Variants in VPS13B observed in about 807,000 individuals in gnomAD.
The protein encoded by VPS13B is intermembrane lipid transfer protein VPS13B.
VPS13B carries 285 observed loss-of-function variants against 426.4 expected under a neutral mutation model. That is an observed-to-expected ratio of 0.67 (90% CI 0.61 to 0.74). VPS13B has a LOEUF of 0.74. Ranked by LOEUF, VPS13B falls within the 30% of genes least tolerant of loss-of-function variation. The pLI is 0.00. For synonymous variants in VPS13B, 1,676 were observed against 1,676.4 expected, an observed-to-expected ratio of 1.00 and a Z score of 0.01; for missense variants, 4,537 against 4,782.6, an observed-to-expected ratio of 0.95 and a Z score of 1.51.
chr8:99,020,827 T>C (rs1234220073), intron 2 of VPS13B, among the ~76,000 whole-genome samples: 1 of 152,206 alleles, frequency 6.6e-6, no homozygotes, highest in African/African-American at 2.4e-5. Flanking sequence ...ACTATCACAC[T>C]GTTTGGATTA....
intron 35 of VPS13B, among the ~76,000 whole-genome samples, chr8:99,681,562 T>C (rs950618281): frequency 1.3e-5 from 2 of 152,212 alleles, no homozygotes; most frequent in African/African-American, 4.8e-5. Context: ...AATTTGTTTC[T>C]TATTAAACCT....
At chr8:99,476,046 A>C (rs562349750) in intron 24 of VPS13B, among the ~76,000 whole-genome samples, 2 of 152,222 alleles carry the variant, frequency 1.3e-5, no homozygotes, top group Non-Finnish European at 2.9e-5. Context: ...GGGAAGTCTG[A>C]AATATTTATG....
intron 15 of VPS13B, among the ~76,000 whole-genome samples, chr8:99,163,439 T>C (rs1811792587): frequency 1.3e-5 from 2 of 151,974 alleles, no homozygotes; most frequent in African/African-American, 4.8e-5. Flanking sequence ...CTGGGCGCCG[T>C]GGAATAGGGG....
rs144649948 is a variant in VPS13B, at chr8:99,253,371, G to T, written c.2516-20827G>T. On this transcript the variant is annotated intron_variant, in intron 17 of 61. Coordinates refer to ENST00000357162, the MANE Select transcript of VPS13B (RefSeq NM_152564.5). ...TATCTACATAGGAGATGTTCTGCTG[G>T]ATCATATGGTCACTTTCTGAGTAAC... 3.3e-3 allele frequency among the ~76,000 whole-genome samples: 497 copies of T among 152,188 alleles called. 5 individuals are homozygous for T. The highest frequency in any genetic ancestry group is 2.5e-3 in the East Asian group (13 of 5,178).
chr8:99,031,545 G>A (rs1485721265), intron 2 of VPS13B, among the ~76,000 whole-genome samples: 3 of 151,974 alleles, frequency 2.0e-5, no homozygotes, highest in Non-Finnish European at 2.9e-5. Flanking sequence ...AGTAGTTTTC[G>A]TAGGAAAAAA....
chr8:99,340,952 CT>C lies in VPS13B; in HGVS notation c.2825-43255del, dbSNP rs560521499. 114 of 281,490 alleles carry C rather than the reference CT, an allele frequency of 4.0e-4. 1 individual carries two copies. Among genetic ancestry groups the C allele is most frequent in the South Asian group, 1.4e-3 (27 of 19,766 alleles). 17.4% of individuals were successfully genotyped at this position (281,490 alleles called of 1,614,324 possible). On this transcript the variant is annotated intron_variant, in intron 19 of 61. Coordinates refer to ENST00000357162, the MANE Select transcript of VPS13B (RefSeq NM_152564.5). ...AAGGTGGGCTGGGAGAGAGCTCCCCCTGGCTCATTTTATTGTCTGTGGTGCT... is the reference window on the plus strand; with the variant it reads ...AAGGTGGGCTGGGAGAGAGCTCCCCCGGCTCATTTTATTGTCTGTGGTGCT...
intron 44 of VPS13B, among the ~76,000 whole-genome samples, chr8:99,816,809 AAAC>A (rs1192363016): frequency 1.3e-5 from 2 of 152,186 alleles, no homozygotes; most frequent in African/African-American, 4.8e-5. Flanking sequence ...TGTCTAAAAA[AAAC>A]TAAATAAATA....
At position 99,835,294 on chromosome 8, in the gene VPS13B, G is replaced by A. The variant is rs773095779; in HGVS notation, c.9712G>A (p.Val3238Ile). 3.7e-6 allele frequency: 6 copies of A among 1,612,820 alleles called. No individual in the cohort carries two copies. Among genetic ancestry groups the A allele is most frequent in the Non-Finnish European group, 5.1e-6 (6 of 1,178,994 alleles). ...PRVIIHNRCP[V>I]KMLIKENIKD... ...AGTAATTATCCACAATAGATGTCCA[G>A]TAAAAATGCTTATAAAGGAAAACAT... Residue 3238 changes from valine (V) to isoleucine (I), a missense_variant, in exon 53 of 62, where the codon GTA (valine) becomes ATA (isoleucine). This residue lies in a region of VPS13B where 4,311 missense variants were observed against 4,474.3 expected (regional missense o/e 0.96). Transcript: ENST00000357162.
chr8:99,471,312 G>T (rs1273348179), intron 24 of VPS13B, among the ~76,000 whole-genome samples: 1 of 152,108 alleles, frequency 6.6e-6, no homozygotes, highest in Admixed American at 6.6e-5. Context: ...AACATTGTCT[G>T]CTGGTTTTTT....
At chr8:99,455,759 G>A (rs897592282) in intron 23 of VPS13B, among the ~76,000 whole-genome samples, 1 of 152,110 alleles carries the variant, frequency 6.6e-6, no homozygotes, top group South Asian at 2.1e-4. Context: ...TTCACTTGGT[G>A]TAACATTTTG....
chr8:99,226,030 G>A (rs1024056194), intron 17 of VPS13B, among the ~76,000 whole-genome samples: 1 of 151,832 alleles, frequency 6.6e-6, no homozygotes, highest in Non-Finnish European at 1.5e-5. Flanking sequence ...CTGCCAGCTC[G>A]GCCTCCTGTG....
chr8:99,510,231 AG>A (rs1821713595), intron 28 of VPS13B, among the ~76,000 whole-genome samples: 1 of 152,216 alleles, frequency 6.6e-6, no homozygotes, highest in Non-Finnish European at 1.5e-5. Flanking sequence ...GGTATCGATG[AG>A]GCTTCTTTTG....
At chr8:99,849,171 T>A (rs1373369950) in intron 55 of VPS13B, among the ~76,000 whole-genome samples, 1 of 152,208 alleles carries the variant, frequency 6.6e-6, no homozygotes, top group Non-Finnish European at 1.5e-5. Context: ...ATTATTAGCA[T>A]GAAATGCACA....
chr8:99,614,541 G>T (rs1316996075), intron 33 of VPS13B, among the ~76,000 whole-genome samples: 1 of 151,958 alleles, frequency 6.6e-6, no homozygotes, highest in South Asian at 2.1e-4. Flanking sequence ...GCCTCCCAAA[G>T]TGCTGGGATT....
chr8:99,463,487 A>G (rs1818942581), intron 23 of VPS13B, among the ~76,000 whole-genome samples: 1 of 152,202 alleles, frequency 6.6e-6, no homozygotes, highest in Admixed American at 6.5e-5. Context: ...AACACAAAAC[A>G]GTATTCCAAA....
At chr8:99,075,583 GT>G in intron 3 of VPS13B, among the ~76,000 whole-genome samples, 1 of 152,248 alleles carries the variant, frequency 6.6e-6, no homozygotes, top group Admixed American at 6.5e-5. Flanking sequence ...GTCTGTTCAG[GT>G]TTTCTGTTTC....
intron 5 of VPS13B, among the ~76,000 whole-genome samples, chr8:99,108,018 G>A (rs1176692005): frequency 6.6e-6 from 1 of 152,072 alleles, no homozygotes. Context: ...CCTCAAGTAG[G>A]CCTTGGTATT....
At chr8:99,499,564 A>G (rs1214134647) in intron 25 of VPS13B, among the ~76,000 whole-genome samples, 2 of 152,132 alleles carry the variant, frequency 1.3e-5, no homozygotes, top group Admixed American at 1.3e-4. Flanking sequence ...TTTAATAAGC[A>G]TCCTTATCTG....
At chr8:99,029,988 G>T (rs544558139) in intron 2 of VPS13B, among the ~76,000 whole-genome samples, 2 of 152,076 alleles carry the variant, frequency 1.3e-5, no homozygotes, top group South Asian at 4.2e-4. Context: ...GACCTTTTTG[G>T]GTTGAGTCTA....
Sources: allele counts gnomAD v4.1 joint callset (sites outside exome capture counted in the v4.1 genomes callset), GRCh38; gene constraint gnomAD v4.1.1; regional missense constraint gnomAD v4.1.1; transcripts MANE v1.5; gene names NCBI Gene and HGNC (gene_info 2026-07-23, HGNC 2026-07-21).